The following RELCH variants were observed in gnomAD, a reference collection of about 807,000 sequenced individuals.
RELCH encodes the protein RAB11 binding and LisH domain, coiled-coil and HEAT repeat containing.
RELCH carries 41 observed loss-of-function variants against 150.3 expected under a neutral mutation model. The ratio of observed to expected loss-of-function variants is 0.27; its 90% CI spans 0.21 to 0.35. The LOEUF is 0.35. RELCH is among the 10% of genes least tolerant of loss of function. The pLI is 1.00. For synonymous variants in RELCH, 478 were observed against 531.8 expected (o/e 0.90, Z 1.39); for missense variants, 1,092 against 1,467.8 (o/e 0.74, Z 4.18).
chr18:62,291,578 C>G lies in RELCH; in HGVS notation c.3406C>G (p.Pro1136Ala). The change falls in exon 27 of 29, where the codon CCT (proline) becomes GCT (alanine). Residue 1136 changes from proline (P) to alanine (A), a missense_variant. Coordinates refer to ENST00000644646, the MANE Select transcript of RELCH (RefSeq NM_001346231.2). ...SEDLMVNHFL[P>A]GLRCLRTDME... Reference sequence around the variant, plus strand: ...GGATTTAATGGTTAATCACTTTTTACCTGGTCTCAGATGTTTACGGACTGA... The same window carrying G: ...GGATTTAATGGTTAATCACTTTTTAGCTGGTCTCAGATGTTTACGGACTGA... 1.2e-6 allele frequency: 2 copies of G among 1,610,792 alleles called. No individual in the cohort carries two copies. The highest frequency in any genetic ancestry group is 2.2e-5 in the South Asian group (2 of 90,464).
rs376736587 is a variant in RELCH at position 62,229,896 on chromosome 18, A to G, written c.1448+1298A>G. 2.6e-4 allele frequency among the ~76,000 whole-genome samples: 39 copies of G among 152,204 alleles called. 4 individuals are homozygous for G. Among genetic ancestry groups the G allele is most frequent in the South Asian group, 2.5e-3 (12 of 4,828 alleles). ...GAAGACAAAGTTGGAGAAGTAAGCA[A>G]AGTCTAAGAAGTCATGTAAGCTTGC... On this transcript the variant is annotated intron_variant, in intron 8 of 28. Transcript: ENST00000644646.
At chr18:62,285,644 A>T (rs1450536842) in intron 25 of RELCH, 1 of 152,118 alleles carries the variant, frequency 6.6e-6, no homozygotes, top group Admixed American at 6.6e-5. Context: ...TAGTCCATCA[A>T]CTCGGGAGGC....
At chr18:62,201,276 G>A (rs1263666286) in intron 1 of RELCH, among the ~76,000 whole-genome samples, 1 of 151,794 alleles carries the variant, frequency 6.6e-6, no homozygotes, top group East Asian at 1.9e-4. Flanking sequence ...CCCGGCCCTT[G>A]AATAACATTT....
intron 11 of RELCH, among the ~76,000 whole-genome samples, chr18:62,248,708 G>T (rs977067427): frequency 6.6e-6 from 1 of 152,128 alleles, no homozygotes; most frequent in Non-Finnish European, 1.5e-5. Context: ...TTTAATATAT[G>T]AATTTGTGCA....
At position 62,298,098 on chromosome 18, in the gene RELCH, C is replaced by CCT. The variant is rs375104741; in HGVS notation, c.3460-691_3460-690insTC. On this transcript the variant is annotated intron_variant, in intron 27 of 28. Transcript: ENST00000644646. ...TGTCTGTTTTATTTGCTTTATCCCC[C>CCT]CCCGTCTAAAAAGATACCTAGCCCG... Among the ~76,000 whole-genome samples the CCT allele has an allele frequency of 1.5e-4, 23 of 151,444 alleles. 2 individuals carry two copies. The highest frequency in any genetic ancestry group is 5.6e-4 in the African/African-American group (23 of 41,100).
At chr18:62,279,964 T>C (rs1256042907) in intron 23 of RELCH, 108 bp downstream of exon 23, 3 of 698,626 alleles carry the variant, frequency 4.3e-6, no homozygotes, top group African/African-American at 3.6e-5. Flanking sequence ...AAATTAATAA[T>C]ACTGGATTAT....
intron 17 of RELCH, among the ~76,000 whole-genome samples, 194 bp downstream of exon 17, chr18:62,264,339 G>A (rs56114107): frequency 0.27 from 40,700 of 151,888 alleles, 5,948 homozygotes; most frequent in Middle Eastern, 0.45. Context: ...TATTTTATCC[G>A]AATGATCTAT....
chr18:62,224,221 T>C (rs756894654), intron 5 of RELCH, among the ~76,000 whole-genome samples: 9 of 152,286 alleles, frequency 5.9e-5, no homozygotes, highest in East Asian at 3.9e-4. Flanking sequence ...ATGCAGTGCT[T>C]GGTTTTCTGT....
chr18:62,293,740 A>G (rs2045272088), intron 27 of RELCH, among the ~76,000 whole-genome samples: 1 of 152,114 alleles, frequency 6.6e-6, no homozygotes. Flanking sequence ...ACTAACACCC[A>G]TGTAATTACT....
intron 1 of RELCH, among the ~76,000 whole-genome samples, chr18:62,189,718 C>T (rs1368102387): frequency 6.6e-6 from 1 of 152,158 alleles, no homozygotes; most frequent in African/African-American, 2.4e-5. Context: ...GAAAATTCCT[C>T]CTTGCAAACT....
rs1451491482 is a variant in RELCH at position 62,261,848 on chromosome 18, A to G, written c.2350+190A>G. ...AACAATATGGCTTCATCTTTTATGGATAAGCCCCATTGTCTTATTTTATAA... is the reference window on the plus strand; with the variant it reads ...AACAATATGGCTTCATCTTTTATGGGTAAGCCCCATTGTCTTATTTTATAA... On this transcript the variant is annotated intron_variant, in intron 16 of 28. Coordinates refer to ENST00000644646, the MANE Select transcript of RELCH (RefSeq NM_001346231.2). Among the ~76,000 whole-genome samples the G allele has an allele frequency of 5.3e-5, 8 of 152,132 alleles. No homozygotes were observed. The East Asian group carries it at 1.4e-3, about 26-fold the overall frequency.
intron 1 of RELCH, 25 bp from the exon 2 acceptor site, chr18:62,211,128 A>G (rs897501919): frequency 3.1e-6 from 4 of 1,291,650 alleles, no homozygotes; most frequent in Non-Finnish European, 4.3e-6. Context: ...AAATTAAAAA[A>G]CTTTTATATT....
intron 1 of RELCH, among the ~76,000 whole-genome samples, chr18:62,194,274 G>C (rs2038867057): frequency 6.6e-6 from 1 of 152,034 alleles, no homozygotes; most frequent in Non-Finnish European, 1.5e-5. Context: ...AGTGTGTCTT[G>C]TGAACAAAAG....
Position 62,228,127 on chromosome 18 carries a change from G to T in RELCH, c.1155-178G>T, listed in dbSNP as rs17645135. On this transcript the variant is annotated intron_variant, in intron 7 of 28. Transcript: ENST00000644646. ...CTTCATTCTTGAGTTTATAGCTACAGTTTTAGGTATATGAAGCATCAGTGA... is the reference window on the plus strand; with the variant it reads ...CTTCATTCTTGAGTTTATAGCTACATTTTTAGGTATATGAAGCATCAGTGA... Among the ~76,000 whole-genome samples the T allele has an allele frequency of 0.27, 41,075 of 151,976 alleles. 6,036 individuals carry two copies. The highest frequency in any genetic ancestry group is 0.46 in the Middle Eastern group (135 of 294).
chr18:62,308,925 T>A lies in RELCH; in HGVS notation c.*3391T>A, dbSNP rs1288426718. On this transcript the variant is annotated 3_prime_UTR_variant, in exon 29 of 29. Transcript: ENST00000644646. The stretch of plus-strand genomic sequence containing the variant: ...TACAGTGTGCTTAGTTTTGATACTA[T>A]TTTTTTCAGTACATTAAAAAGAAAT... The A allele has an allele frequency of 6.6e-6, 1 of 152,074 alleles. No homozygotes were observed. The highest frequency in any genetic ancestry group is 1.5e-5 in the Non-Finnish European group (1 of 67,984). The allele number at this position is 152,074 out of a possible 1,614,324, so 9.4% of individuals were successfully genotyped here.
intron 23 of RELCH, among the ~76,000 whole-genome samples, chr18:62,280,159 G>A (rs1472324046): frequency 6.6e-6 from 1 of 152,016 alleles, no homozygotes; most frequent in Non-Finnish European, 1.5e-5. Flanking sequence ...AGCCAAGAAG[G>A]GATGCTCTCC....
intron 1 of RELCH, among the ~76,000 whole-genome samples, chr18:62,191,012 T>G (rs2038593174): frequency 6.6e-6 from 1 of 152,268 alleles, no homozygotes; most frequent in Non-Finnish European, 1.5e-5. Context: ...TCAGCATGTT[T>G]TTAAAAGTCA....
intron 1 of RELCH, among the ~76,000 whole-genome samples, chr18:62,202,199 T>C (rs1318455883): frequency 6.6e-6 from 1 of 152,200 alleles, no homozygotes; most frequent in Non-Finnish European, 1.5e-5. Context: ...CATATTAGAA[T>C]ATGGTAGATT....
intron 5 of RELCH, among the ~76,000 whole-genome samples, chr18:62,225,978 A>T (rs912054010): frequency 6.6e-5 from 10 of 151,980 alleles, no homozygotes; most frequent in Non-Finnish European, 1.2e-4. Context: ...ATAGTGGAGA[A>T]AGATACAAAT....
Sources: allele counts gnomAD v4.1 joint callset (sites outside exome capture counted in the v4.1 genomes callset), GRCh38; gene constraint gnomAD v4.1.1; transcripts MANE v1.5; gene names NCBI Gene and HGNC (gene_info 2026-07-23, HGNC 2026-07-21).